Variants in BMS1 observed in about 807,000 individuals in gnomAD.
BMS1 encodes the protein BMS1 ribosome biogenesis factor, also known as ribosome biogenesis protein BMS1 homolog.
Under a neutral mutation model 138.7 loss-of-function variants are expected in BMS1, and 53 were observed. The observed-to-expected ratio is 0.38, with a 90% CI of 0.31 to 0.48. The LOEUF (loss-of-function observed/expected upper bound fraction) is 0.48, where lower values mean the gene tolerates loss of function less well. BMS1 is among the 20% of genes least tolerant of loss of function. The pLI is 0.97. For synonymous variants in BMS1, 504 were observed against 539.9 expected (o/e 0.93, Z 0.92); for missense variants, 1,360 against 1,565.5 (o/e 0.87, Z 2.22).
chr10:42,815,356 T>G (rs1460133611), intron 13 of BMS1, among the ~76,000 whole-genome samples: 1 of 152,238 alleles, frequency 6.6e-6, no homozygotes, highest in Non-Finnish European at 1.5e-5. Context: ...TGGTAGCATA[T>G]TAAAGCTTTT....
intron 4 of BMS1, 63 bp from the exon 5 acceptor site, chr10:42,790,260 A>G (rs1225277963): frequency 7.0e-6 from 11 of 1,570,642 alleles, no homozygotes; most frequent in Non-Finnish European, 9.6e-6. Flanking sequence ...GCCAGTTGCC[A>G]ACCCTTAGTG....
rs149830932 is a variant in BMS1 at position 42,818,979 on chromosome 10, G to A, written c.2581-1257G>A. On this transcript the variant is annotated intron_variant, in intron 15 of 22. Coordinates refer to ENST00000374518, the MANE Select transcript of BMS1 (RefSeq NM_014753.4). ...GAAGGCAGAGTTCACCACTGGAGGA[G>A]TCCTTCAGCGTGGAGGCCTTCAGCA... Among the ~76,000 whole-genome samples, 391 of 152,296 alleles carry A rather than the reference G, an allele frequency of 2.6e-3. 1 individual carries two copies. Among genetic ancestry groups the A allele is most frequent in the Non-Finnish European group, 4.0e-3 (270 of 68,030 alleles).
intron 20 of BMS1, 144 bp downstream of exon 20, chr10:42,823,409 C>T (rs1473538543): frequency 2.1e-5 from 25 of 1,208,216 alleles, no homozygotes; most frequent in Non-Finnish European, 2.8e-5. Context: ...TGTGCCCATT[C>T]GCTTTGTGTC....
chr10:42,811,857 G>T (rs368616919), intron 13 of BMS1, among the ~76,000 whole-genome samples: 2 of 151,842 alleles, frequency 1.3e-5, no homozygotes, highest in East Asian at 3.9e-4. Context: ...ATTTCCTTTG[G>T]GACTTCTTTT....
At chr10:42,795,344 A>G (rs1424801145) in intron 9 of BMS1, among the ~76,000 whole-genome samples, 1 of 151,516 alleles carries the variant, frequency 6.6e-6, no homozygotes, top group Non-Finnish European at 1.5e-5. Context: ...TTTTGTGACA[A>G]GATCTTGCTT....
Position 42,817,494 on chromosome 10 carries a change from G to A in BMS1, c.2580G>A (p.Gln860=). The part of the protein sequence containing the change: ...DLKGEMQKQA[Q]LNRAEFEDQD... The stretch of plus-strand genomic sequence containing the variant: ...AAGGAGAAATGCAGAAACAAGCACA[G>A]GTGAGAAACCTCAGTTCCTCTCAGC... The change falls in exon 15 of 23, where the codon CAG becomes CAA. Residue 860 remains glutamine (Q), a splice_region_variant and synonymous_variant. Coordinates refer to ENST00000374518, the MANE Select transcript of BMS1 (RefSeq NM_014753.4). 3.1e-6 allele frequency: 5 copies of A among 1,596,882 alleles called. No homozygotes were observed. The highest frequency in any genetic ancestry group is 4.3e-6 in the Non-Finnish European group (5 of 1,175,866).
At chr10:42,807,716 G>A (rs1842052781) in intron 13 of BMS1, among the ~76,000 whole-genome samples, 1 of 152,102 alleles carries the variant, frequency 6.6e-6, no homozygotes, top group Admixed American at 6.5e-5. Flanking sequence ...TTGAACTCCT[G>A]GCCTGTTTTC....
intron 5 of BMS1, among the ~76,000 whole-genome samples, chr10:42,790,906 T>C (rs774220286): frequency 2.0e-5 from 3 of 152,214 alleles, no homozygotes; most frequent in Non-Finnish European, 2.9e-5. Flanking sequence ...ATTCGCCTCC[T>C]GAATTTCCTT....
At chr10:42,808,101 TG>T (rs1842062059) in intron 13 of BMS1, among the ~76,000 whole-genome samples, 1 of 152,062 alleles carries the variant, frequency 6.6e-6, no homozygotes, top group Non-Finnish European at 1.5e-5. Flanking sequence ...AGATAAAAAA[TG>T]TCTGGGGATG....
chr10:42,787,933 CA>C (rs1841387627), intron 4 of BMS1, among the ~76,000 whole-genome samples: 1 of 152,000 alleles, frequency 6.6e-6, no homozygotes, highest in African/African-American at 2.4e-5. Flanking sequence ...TTTAAATTAG[CA>C]AAAATAAAAT....
At chr10:42,824,068 T>C (rs1240960084) in intron 21 of BMS1, among the ~76,000 whole-genome samples, 2 of 152,220 alleles carry the variant, frequency 1.3e-5, no homozygotes, top group African/African-American at 4.8e-5. Flanking sequence ...TACATATAGA[T>C]AGTAAACTGG....
rs1842841152 is a variant in BMS1 at position 42,834,243 on chromosome 10, T to G, written c.*3147T>G. Reference sequence around the variant, plus strand: ...TTTCCTATTTGTGGATGTACTAGATTGTTTTCTTTTTTTAACAAAACCTGT... The same window carrying G: ...TTTCCTATTTGTGGATGTACTAGATGGTTTTCTTTTTTTAACAAAACCTGT... On this transcript the variant is annotated 3_prime_UTR_variant, in exon 23 of 23. Coordinates refer to ENST00000374518, the MANE Select transcript of BMS1 (RefSeq NM_014753.4). 1 of 143,964 alleles carries G rather than the reference T, an allele frequency of 6.9e-6. No individual in the cohort carries two copies. Among genetic ancestry groups the G allele is most frequent in the Admixed American group, 6.9e-5 (1 of 14,508 alleles). The allele number at this position is 143,964 out of a possible 1,614,324, so 8.9% of individuals were successfully genotyped here.
chr10:42,801,848 C>G (rs1242174150), intron 12 of BMS1, among the ~76,000 whole-genome samples: 1 of 152,148 alleles, frequency 6.6e-6, no homozygotes, highest in Non-Finnish European at 1.5e-5. Flanking sequence ...CCTTAGAAAC[C>G]TTAATAAAAT....
At chr10:42,801,027 A>G (rs952105554) in intron 12 of BMS1, among the ~76,000 whole-genome samples, 4 of 152,276 alleles carry the variant, frequency 2.6e-5, no homozygotes, top group South Asian at 2.1e-4. Flanking sequence ...TTATGTTACA[A>G]TCATAGTCAT....
chr10:42,828,129 G>A (rs1212531471), intron 21 of BMS1, among the ~76,000 whole-genome samples: 1 of 152,206 alleles, frequency 6.6e-6, no homozygotes, highest in Non-Finnish European at 1.5e-5. Context: ...CCTCTCCCAG[G>A]CACTGCCTCC....
chr10:42,800,825 C>T (rs1343471667), intron 12 of BMS1, among the ~76,000 whole-genome samples: 2 of 152,136 alleles, frequency 1.3e-5, no homozygotes, highest in Admixed American at 1.3e-4. Context: ...CTGCACCCAG[C>T]CCATGCTTGA....
chr10:42,828,191 C>T (rs1428207277), intron 21 of BMS1, among the ~76,000 whole-genome samples: 1 of 152,200 alleles, frequency 6.6e-6, no homozygotes, highest in Non-Finnish European at 1.5e-5. Context: ...TTTGTTCTGC[C>T]TGGTTTTGAC....
chr10:42,821,874 GGCTT>G (rs1446300893), intron 18 of BMS1, among the ~76,000 whole-genome samples, 184 bp from the exon 19 acceptor site: 4 of 152,056 alleles, frequency 2.6e-5, no homozygotes, highest in Non-Finnish European at 5.9e-5. Context: ...TTGTTAGTTT[GGCTT>G]ACCAACTTTA....
In BMS1 at chr10:42,820,622, C is replaced by A. The variant is rs1842479460; in HGVS notation, c.2884C>A (p.His962Asn). The change falls in exon 17 of 23, where the codon CAC becomes AAC. Residue 962 changes from histidine to asparagine, a missense_variant. Around this residue, in one of 3 missense-constraint regions of BMS1, gnomAD observed 425 missense variants for 568.3 expected, o/e 0.75. Coordinates refer to ENST00000374518, the MANE Select transcript of BMS1 (RefSeq NM_014753.4). Reference sequence around the variant, plus strand: ...CATCCCACTGTATTATATCGAAGACCACAATGGAAGACAAAGGCTTCTAAA... The same window carrying A: ...CATCCCACTGTATTATATCGAAGACAACAATGGAAGACAAAGGCTTCTAAA... ...QTIPLYYIEDHNGRQRLLKYT... is the reference protein window; with the variant it reads ...QTIPLYYIEDNNGRQRLLKYT... 6 of 1,611,808 alleles carry A rather than the reference C, an allele frequency of 3.7e-6. No individual in the cohort carries two copies. The African/African-American group carries it at 5.3e-5, about 14-fold the overall frequency.
Sources: gnomAD v4.1 joint callset for allele counts (sites outside exome capture counted in the v4.1 genomes callset) on GRCh38, gnomAD v4.1.1 for gene constraint, gnomAD v4.1.1 regional missense constraint, MANE v1.5 for transcripts, NCBI Gene and HGNC (gene_info 2026-07-23, HGNC 2026-07-21) for gene names.